Variants in MYT1L observed in about 807,000 individuals in gnomAD.
The protein encoded by MYT1L is myelin transcription factor 1 like.
In MYT1L, 12 loss-of-function variants were observed where a neutral mutation model predicts 126.7. That is an observed-to-expected ratio of 0.09 (90% confidence interval 0.06 to 0.15). The LOEUF (loss-of-function observed/expected upper bound fraction) is 0.15. Ranked by LOEUF, MYT1L falls within the 10% of genes least tolerant of loss-of-function variation. MYT1L has a pLI of 1.00. For synonymous variants in MYT1L, 541 were observed against 604.2 expected (o/e 0.90, Z 1.53); for missense variants, 979 against 1,585.2 (o/e 0.62, Z 6.49).
intron 2 of MYT1L, among the ~76,000 whole-genome samples, chr2:2,204,744 C>G (rs1406260095): frequency 6.6e-6 from 1 of 151,762 alleles, no homozygotes; most frequent in Non-Finnish European, 1.5e-5. Flanking sequence ...CCATTTGACC[C>G]AGCCATCCCA....
At chr2:2,310,944 C>A (rs1310777966) in intron 1 of MYT1L, among the ~76,000 whole-genome samples, 1 of 152,160 alleles carries the variant, frequency 6.6e-6, no homozygotes. Flanking sequence ...AACTATCCAA[C>A]CAAAGAAAAT....
Position 1,801,977 on chromosome 2 carries a change from G to A in MYT1L, c.3173-178C>T, listed in dbSNP as rs1367797935. 3 of 519,842 alleles carry A rather than the reference G, an allele frequency of 5.8e-6. No homozygotes were observed. Among genetic ancestry groups the A allele is most frequent in the East Asian group, 3.3e-5 (1 of 30,380 alleles). 32.2% of individuals were successfully genotyped at this position (519,842 alleles called of 1,614,324 possible). On this transcript the variant is annotated intron_variant, in intron 22 of 24. Transcript: ENST00000647738. This position sits in a 1 kb window ranked among gnomAD's most constrained non-coding sequence, Gnocchi z 4.2. ...CTGTGTCTTTCTATTCCCTACCACC[G>A]CCCCTTCCCCACCTAAGTTCCCCTA...
At chr2:2,247,991 A>C (rs1488673388) in intron 2 of MYT1L, among the ~76,000 whole-genome samples, 2 of 152,146 alleles carry the variant, frequency 1.3e-5, no homozygotes, top group Non-Finnish European at 2.9e-5. Flanking sequence ...AAAAAGCAAC[A>C]GCAAACCAAC....
chr2:2,021,434 T>C (rs2065019739), intron 4 of MYT1L, among the ~76,000 whole-genome samples: 2 of 152,158 alleles, frequency 1.3e-5, no homozygotes, highest in South Asian at 2.1e-4. Context: ...TAAACAGCCC[T>C]CTGGGGCCTA....
chr2:2,087,886 A>G (rs900054596), intron 3 of MYT1L, among the ~76,000 whole-genome samples: 13 of 152,250 alleles, frequency 8.5e-5, no homozygotes, highest in South Asian at 2.1e-4. Context: ...ACCATTCGCT[A>G]TAAACACCAC....
chr2:2,139,592 T>C (rs1213946837), intron 3 of MYT1L, among the ~76,000 whole-genome samples: 1 of 151,876 alleles, frequency 6.6e-6, no homozygotes, highest in African/African-American at 2.4e-5. Flanking sequence ...TAAGCCGAGA[T>C]TGCACCATTG....
intron 1 of MYT1L, among the ~76,000 whole-genome samples, chr2:2,295,936 G>A (rs1271864469): frequency 6.7e-6 from 1 of 149,826 alleles, no homozygotes; most frequent in Non-Finnish European, 1.5e-5. Flanking sequence ...AGAGGTTGGG[G>A]GGGAGGAGAG....
intron 21 of MYT1L, among the ~76,000 whole-genome samples, chr2:1,813,497 T>C (rs1410668461): frequency 6.6e-6 from 1 of 152,082 alleles, no homozygotes; most frequent in African/African-American, 2.4e-5. Flanking sequence ...CTCCCGGCCG[T>C]GGCCTGTGAG....
intron 23 of MYT1L, 76 bp from the exon 24 acceptor site, chr2:1,792,540 T>A: frequency 6.7e-7 from 1 of 1,490,936 alleles, no homozygotes; most frequent in Non-Finnish European, 9.1e-7. Flanking sequence ...GGGGCCACAG[T>A]CTACTGGGTG....
At chr2:1,795,217 G>A (rs941292139) in intron 23 of MYT1L, among the ~76,000 whole-genome samples, 2 of 152,224 alleles carry the variant, frequency 1.3e-5, no homozygotes, top group Non-Finnish European at 2.9e-5. Context: ...GAAAATGGGA[G>A]TAATGCTCCT....
chr2:2,231,763 TA>T (rs1473105215), intron 2 of MYT1L, among the ~76,000 whole-genome samples: 5 of 152,218 alleles, frequency 3.3e-5, no homozygotes, highest in Non-Finnish European at 7.4e-5. Context: ...ACCAATTTTT[TA>T]TATATATAAA....
chr2:1,875,232 A>G (rs2046760554), intron 18 of MYT1L, among the ~76,000 whole-genome samples: 1 of 152,124 alleles, frequency 6.6e-6, no homozygotes, highest in African/African-American at 2.4e-5. Flanking sequence ...GAAAGGTCAC[A>G]GTGACATCCT....
intron 4 of MYT1L, among the ~76,000 whole-genome samples, chr2:1,997,862 C>T (rs191562619): frequency 1.7e-3 from 263 of 152,328 alleles, no homozygotes; most frequent in Non-Finnish European, 3.1e-3. Flanking sequence ...GAACTAAAAA[C>T]CTTACAAAAC....
At chr2:2,255,218 C>T (rs1226921444) in intron 2 of MYT1L, among the ~76,000 whole-genome samples, 2 of 152,150 alleles carry the variant, frequency 1.3e-5, no homozygotes, top group African/African-American at 4.8e-5. Flanking sequence ...TCCTGCAGCT[C>T]CCCGTCCTGA....
At chr2:2,242,898 G>C (rs2094465212) in intron 2 of MYT1L, among the ~76,000 whole-genome samples, 1 of 152,170 alleles carries the variant, frequency 6.6e-6, no homozygotes, top group Non-Finnish European at 1.5e-5. Context: ...AGACAGACCA[G>C]CTCTCTAGGA....
At chr2:2,020,057 C>T (rs2064876694) in intron 4 of MYT1L, among the ~76,000 whole-genome samples, 1 of 152,062 alleles carries the variant, frequency 6.6e-6, no homozygotes, top group Non-Finnish European at 1.5e-5. Flanking sequence ...GTTGTCTAGG[C>T]TGCTCTTGAA....
rs188551684 is a variant in MYT1L at position 2,207,758 on chromosome 2, C to T, written c.-420-34770G>A. On this transcript the variant is annotated intron_variant, in intron 2 of 24. Coordinates refer to ENST00000647738, the MANE Select transcript of MYT1L (RefSeq NM_001303052.2). ...AAATACACAAATGCAGAAACTCACA[C>T]ATTTACACAAATCTTCTAAAGGATT... is the stretch of plus-strand genomic sequence containing the variant. Among the ~76,000 whole-genome samples, 4 of 152,288 alleles carry T rather than the reference C, an allele frequency of 2.6e-5. No homozygotes were observed. The East Asian group carries it at 7.7e-4, about 29-fold the overall frequency.
rs986984293 is a variant in MYT1L at position 1,979,032 on chromosome 2, T to A, written c.152+133A>T. On this transcript the variant is annotated intron_variant, in intron 8 of 24. Coordinates refer to ENST00000647738, the MANE Select transcript of MYT1L (RefSeq NM_001303052.2). The surrounding 1 kb of genome is among the most constrained non-coding windows in gnomAD (Gnocchi z 4.0). ...TCAAGAGACAAAGACTGAGTTCCAG[T>A]GTGAGAAGAAAAAGAAGGCATAATG... 1 of 697,914 alleles carries A rather than the reference T, an allele frequency of 1.4e-6. No homozygotes were observed. Among genetic ancestry groups the A allele is most frequent in the Non-Finnish European group, 2.5e-6 (1 of 403,768 alleles). The allele number at this position is 697,914 out of a possible 1,614,324, so 43.2% of individuals were successfully genotyped here.
chr2:1,801,847 T>C lies in MYT1L; in HGVS notation c.3173-48A>G. 8.3e-7 allele frequency: 1 copy of C among 1,210,784 alleles called. No homozygotes were observed. Among genetic ancestry groups the C allele is most frequent in the Non-Finnish European group, 1.2e-6 (1 of 854,154 alleles). 75.0% of individuals were successfully genotyped at this position (1,210,784 alleles called of 1,614,324 possible). A position where few individuals can be genotyped will look rare whatever the true frequency, so the allele number is the denominator to read the frequency against. On this transcript the variant is annotated intron_variant, in intron 22 of 24. Coordinates refer to ENST00000647738, the MANE Select transcript of MYT1L (RefSeq NM_001303052.2). The surrounding 1 kb of genome is among the most constrained non-coding windows in gnomAD (Gnocchi z 4.2). The stretch of plus-strand genomic sequence containing the variant: ...GTTAAAACTGTTATATACAAAAATA[T>C]TAGAGTTAGAATTTTGGGAGCTTTC...
Sources: gnomAD v4.1 joint callset for allele counts (sites outside exome capture counted in the v4.1 genomes callset) on GRCh38, gnomAD v4.1.1 for gene constraint, Gnocchi (gnomAD v3.1) non-coding constraint, MANE v1.5 for transcripts, NCBI Gene and HGNC (gene_info 2026-07-23, HGNC 2026-07-21) for gene names.